NKAIN2: variants seen among roughly 807,000 people sequenced by gnomAD.
NKAIN2 encodes the protein sodium/potassium-transporting ATPase subunit beta-1-interacting protein 2.
A neutral mutation model predicts 32.6 loss-of-function variants in NKAIN2; 14 were observed. The ratio of observed to expected loss-of-function variants is 0.43; its 90% confidence interval spans 0.28 to 0.67. NKAIN2 has a LOEUF of 0.67. Among genes scored for constraint, NKAIN2 ranks in the 30% least tolerant of loss-of-function variants. The pLI, the probability that NKAIN2 is intolerant of heterozygous loss-of-function variation, is 0.17. For missense variants in NKAIN2, 198 were observed against 258.3 expected, an observed-to-expected ratio of 0.77 and a Z score of 1.60; for synonymous variants, 80 against 87.2, an observed-to-expected ratio of 0.92 and a Z score of 0.46.
chr6:123,968,647 C>T (rs1443617796), intron 1 of NKAIN2, among the ~76,000 whole-genome samples: 1 of 152,156 alleles, frequency 6.6e-6, no homozygotes, highest in East Asian at 1.9e-4. Flanking sequence ...TCTTCTGCTA[C>T]TCTATGGCTC....
intron 1 of NKAIN2, among the ~76,000 whole-genome samples, chr6:123,903,081 A>G (rs1774682008): frequency 6.6e-6 from 1 of 152,240 alleles, no homozygotes; most frequent in Non-Finnish European, 1.5e-5. Flanking sequence ...ACAGCAATGA[A>G]TTATGGGAAA....
intron 1 of NKAIN2, among the ~76,000 whole-genome samples, chr6:123,829,726 T>A (rs1774297300): frequency 6.6e-6 from 1 of 152,190 alleles, no homozygotes; most frequent in Admixed American, 6.5e-5. Context: ...TAATGACTCT[T>A]CACTGTGAAA....
At chr6:123,938,100 ACT>A (rs546716370) in intron 1 of NKAIN2, among the ~76,000 whole-genome samples, 1 of 151,608 alleles carries the variant, frequency 6.6e-6, no homozygotes, top group Non-Finnish European at 1.5e-5. Context: ...GAAAAACAAA[ACT>A]CTATTTGTTC....
chr6:123,834,407 A>C (rs1774525296), intron 1 of NKAIN2, among the ~76,000 whole-genome samples: 1 of 152,064 alleles, frequency 6.6e-6, no homozygotes, highest in African/African-American at 2.4e-5. Flanking sequence ...CACCTGCCTC[A>C]GCCTCCCAAC....
intron 1 of NKAIN2, among the ~76,000 whole-genome samples, chr6:123,994,066 A>G (rs562995517): frequency 1.4e-4 from 21 of 152,268 alleles, no homozygotes; most frequent in Non-Finnish European, 3.1e-4. Flanking sequence ...AACTCAGATT[A>G]TTGGAAAGTT....
intron 1 of NKAIN2, among the ~76,000 whole-genome samples, chr6:124,193,133 G>C (rs191023413): frequency 1.3e-5 from 2 of 152,312 alleles, no homozygotes; most frequent in African/African-American, 4.8e-5. Context: ...TCTAGATTAT[G>C]TTATGGCATA....
intron 1 of NKAIN2, among the ~76,000 whole-genome samples, chr6:124,231,121 C>T (rs533119664): frequency 3.3e-5 from 5 of 152,346 alleles, no homozygotes; most frequent in South Asian, 2.1e-4. Flanking sequence ...ATGTGAGACA[C>T]GGTGTCAAAG....
rs112812908 is a variant in NKAIN2, at chr6:124,595,957, G to T, written c.274-62229G>T. Among the ~76,000 whole-genome samples, 1,215 of 152,230 alleles carry T rather than the reference G, an allele frequency of 8.0e-3. 12 individuals are homozygous for T. Among genetic ancestry groups the T allele is most frequent in the African/African-American group, 0.027 (1,107 of 41,532 alleles). ...GAGCACGGGTAGGGGATGGGAGTCT[G>T]CAGAGTTCTCCATTTAGTAGAGTGC... is the stretch of plus-strand genomic sequence containing the variant. On this transcript the variant is annotated intron_variant, in intron 3 of 6. Transcript: ENST00000368417.
At chr6:124,477,629 TTTC>T (rs914063124) in intron 3 of NKAIN2, among the ~76,000 whole-genome samples, 8 of 151,120 alleles carry the variant, frequency 5.3e-5, no homozygotes, top group East Asian at 2.0e-4. Context: ...TTTTCTTCTT[TTTC>T]TTCTTCTTCT....
chr6:124,805,753 C>A (rs545248287), intron 5 of NKAIN2, among the ~76,000 whole-genome samples: 68 of 152,118 alleles, frequency 4.5e-4, no homozygotes, highest in African/African-American at 1.5e-3. Context: ...AAAATTTAGA[C>A]GAATGTATAA....
intron 1 of NKAIN2, among the ~76,000 whole-genome samples, chr6:124,206,081 A>G (rs1216049063): frequency 6.6e-6 from 1 of 151,868 alleles, no homozygotes; most frequent in Non-Finnish European, 1.5e-5. Context: ...TTATTTCCCA[A>G]CCACAGTAAT....
At chr6:123,941,134 A>C (rs1412561046) in intron 1 of NKAIN2, among the ~76,000 whole-genome samples, 1 of 151,856 alleles carries the variant, frequency 6.6e-6, no homozygotes, top group Non-Finnish European at 1.5e-5. Flanking sequence ...CACCAATAGC[A>C]CTGTCCTCCA....
chr6:124,231,427 G>A (rs1033516157), intron 1 of NKAIN2, among the ~76,000 whole-genome samples: 5 of 152,154 alleles, frequency 3.3e-5, no homozygotes, highest in African/African-American at 9.7e-5. Context: ...GTTTTGAAAT[G>A]TAAAGACATG....
chr6:124,682,513 T>C (rs1773671184), intron 4 of NKAIN2, among the ~76,000 whole-genome samples: 1 of 152,174 alleles, frequency 6.6e-6, no homozygotes, highest in Non-Finnish European at 1.5e-5. Flanking sequence ...AGTGTTTTTG[T>C]AAGAACTCAC....
chr6:124,423,956 T>C (rs987708643), intron 3 of NKAIN2, among the ~76,000 whole-genome samples: 8 of 152,224 alleles, frequency 5.3e-5, no homozygotes, highest in African/African-American at 1.9e-4. Flanking sequence ...TAAGGCAGTA[T>C]GTAATACATA....
At chr6:124,772,564 CT>C (rs1272783259) in intron 4 of NKAIN2, among the ~76,000 whole-genome samples, 1 of 152,194 alleles carries the variant, frequency 6.6e-6, no homozygotes, top group African/African-American at 2.4e-5. Flanking sequence ...TTATTTTACA[CT>C]TGCTTTTCAC....
chr6:124,231,259 C>G (rs1201131201), intron 1 of NKAIN2, among the ~76,000 whole-genome samples: 3 of 152,202 alleles, frequency 2.0e-5, no homozygotes, highest in Non-Finnish European at 2.9e-5. Flanking sequence ...CCTGCATCCC[C>G]ATTGTATCTA....
At chr6:124,136,010 A>T (rs914191095) in intron 1 of NKAIN2, among the ~76,000 whole-genome samples, 3 of 152,112 alleles carry the variant, frequency 2.0e-5, no homozygotes. Flanking sequence ...AACCCAGCAG[A>T]AAAAAAGCAA....
At chr6:124,818,516 C>A in intron 6 of NKAIN2, 48 bp downstream of exon 6, 1 of 815,988 alleles carries the variant, frequency 1.2e-6, no homozygotes, top group South Asian at 1.9e-5. Context: ...TAAAGATAAT[C>A]AAGTAACTGT....
Sources: gnomAD v4.1 joint callset for allele counts (sites outside exome capture counted in the v4.1 genomes callset) on GRCh38, gnomAD v4.1.1 for gene constraint, MANE v1.5 for transcripts, NCBI Gene and HGNC (gene_info 2026-07-23, HGNC 2026-07-21) for gene names.